ITPR1: variants seen among roughly 807,000 people sequenced by gnomAD.
ITPR1 encodes inositol 1,4,5-trisphosphate receptor type 1.
In ITPR1, 96 loss-of-function variants were observed where a neutral mutation model predicts 318.4. That is an observed-to-expected ratio of 0.30 (90% CI 0.26 to 0.36). The LOEUF is 0.36. Among genes scored for constraint, ITPR1 ranks in the 10% least tolerant of loss-of-function variants. The pLI is 1.00. For missense variants in ITPR1, 2,440 were observed against 3,460.2 expected (o/e 0.71, Z 7.40); for synonymous variants, 1,312 against 1,289.9 (o/e 1.02, Z -0.37).
chr3:4,775,692 T>A (rs1173027327), intron 47 of ITPR1, among the ~76,000 whole-genome samples: 8 of 152,210 alleles, frequency 5.3e-5, no homozygotes, highest in African/African-American at 1.9e-4. Context: ...TTTGATTTGG[T>A]TTGAATGTCC....
chr3:4,689,670 C>A (rs1266287193), intron 31 of ITPR1, among the ~76,000 whole-genome samples: 1 of 152,186 alleles, frequency 6.6e-6, no homozygotes, highest in African/African-American at 2.4e-5. Flanking sequence ...AAAGCCACCA[C>A]CTCACCCCAA....
intron 8 of ITPR1, 68 bp downstream of exon 8, chr3:4,644,302 C>T: frequency 9.6e-7 from 1 of 1,036,298 alleles, no homozygotes; most frequent in Non-Finnish European, 1.4e-6. Context: ...GGCGCCAGTG[C>T]ATGCGTGTGC....
intron 5 of ITPR1, among the ~76,000 whole-genome samples, chr3:4,630,468 G>C (rs1186960040): frequency 6.6e-6 from 1 of 151,416 alleles, no homozygotes. Flanking sequence ...CTTGTGGACT[G>C]TCTCTGTTCA....
chr3:4,795,821 C>G (rs1322207328), intron 53 of ITPR1, among the ~76,000 whole-genome samples: 1 of 152,200 alleles, frequency 6.6e-6, no homozygotes, highest in African/African-American at 2.4e-5. Context: ...TGAGAAAAGG[C>G]AGACAATTTG....
intron 41 of ITPR1, among the ~76,000 whole-genome samples, chr3:4,725,925 G>C (rs2042483025): frequency 6.6e-6 from 1 of 152,170 alleles, no homozygotes; most frequent in African/African-American, 2.4e-5. Flanking sequence ...TTTGGGTCCT[G>C]TGCAGAGATG....
chr3:4,825,915 G>C (rs555687649), intron 60 of ITPR1: 1 of 387,116 alleles, frequency 2.6e-6, no homozygotes, highest in South Asian at 1.9e-5. Flanking sequence ...GGAAAAGATG[G>C]TGGCAGCAGT....
intron 4 of ITPR1, among the ~76,000 whole-genome samples, chr3:4,616,038 T>G (rs965811063): frequency 1.8e-4 from 28 of 152,228 alleles, no homozygotes; most frequent in African/African-American, 5.5e-4. Flanking sequence ...AAAATGTCAC[T>G]TAACTTCAAA....
chr3:4,711,472 G>C (rs549492182), intron 38 of ITPR1: 2 of 332,514 alleles, frequency 6.0e-6, no homozygotes, highest in Non-Finnish European at 1.1e-5. Context: ...GCAGGTCTGA[G>C]TGGACCTCTG....
chr3:4,630,588 T>G (rs2092984443), intron 5 of ITPR1, among the ~76,000 whole-genome samples: 1 of 148,302 alleles, frequency 6.7e-6, no homozygotes, highest in African/African-American at 2.5e-5. Flanking sequence ...TTATTATTAT[T>G]ATTATTATTA....
At chr3:4,552,329 G>T (rs1164099958) in intron 4 of ITPR1, among the ~76,000 whole-genome samples, 1 of 152,318 alleles carries the variant, frequency 6.6e-6, no homozygotes, top group African/African-American at 2.4e-5. Context: ...TGACACACCA[G>T]TCTGGGCCTC....
At chr3:4,663,651 C>A (rs1399706342) in intron 16 of ITPR1, among the ~76,000 whole-genome samples, 2 of 152,188 alleles carry the variant, frequency 1.3e-5, no homozygotes, top group Non-Finnish European at 2.9e-5. Context: ...AACATTGATA[C>A]ATCATTATCA....
chr3:4,768,834 G>A, intron 46 of ITPR1, 70 bp downstream of exon 46: 1 of 1,449,334 alleles, frequency 6.9e-7, no homozygotes, highest in Non-Finnish European at 9.5e-7. Context: ...TCCTCTGATG[G>A]TTCAGCACCT....
chr3:4,660,541 G>T (rs191515138), intron 13 of ITPR1, among the ~76,000 whole-genome samples: 1 of 150,916 alleles, frequency 6.6e-6, no homozygotes, highest in Admixed American at 6.6e-5. Context: ...GATTCAAAAG[G>T]CTTTCCCTAC....
At chr3:4,716,615 A>G (rs182571920) in intron 39 of ITPR1, among the ~76,000 whole-genome samples, 7 of 152,352 alleles carry the variant, frequency 4.6e-5, no homozygotes, top group Admixed American at 3.3e-4. Flanking sequence ...AAGTATTAAC[A>G]TTTCCAGCTA....
At chr3:4,613,532 GT>G (rs1464816636) in intron 4 of ITPR1, among the ~76,000 whole-genome samples, 1 of 152,148 alleles carries the variant, frequency 6.6e-6, no homozygotes, top group Non-Finnish European at 1.5e-5. Context: ...CATTGCCTGA[GT>G]TTCCTGTGGG....
intron 11 of ITPR1, among the ~76,000 whole-genome samples, chr3:4,653,633 C>T (rs749103169): frequency 2.0e-5 from 3 of 152,056 alleles, no homozygotes; most frequent in African/African-American, 4.8e-5. Context: ...ACTTGAGAGC[C>T]GTCTCTTGGT....
At chr3:4,721,661 A>G (rs2042173539) in intron 40 of ITPR1, among the ~76,000 whole-genome samples, 1 of 152,208 alleles carries the variant, frequency 6.6e-6, no homozygotes, top group African/African-American at 2.4e-5. Context: ...AACTAGATCT[A>G]CGGTACAGTT....
intron 46 of ITPR1, among the ~76,000 whole-genome samples, chr3:4,774,359 G>A (rs2046358725): frequency 6.6e-6 from 1 of 152,226 alleles, no homozygotes; most frequent in Non-Finnish European, 1.5e-5. Flanking sequence ...TTTGTGAGTA[G>A]AAGTGAATAC....
At chr3:4,655,670 C>T (rs1379526988) in intron 12 of ITPR1, among the ~76,000 whole-genome samples, 4 of 152,198 alleles carry the variant, frequency 2.6e-5, no homozygotes, top group Non-Finnish European at 5.9e-5. Context: ...GACTCATCCC[C>T]CATCTCAGGC....
Sources: gnomAD v4.1 joint callset for allele counts (sites outside exome capture counted in the v4.1 genomes callset) on GRCh38, gnomAD v4.1.1 for gene constraint, MANE v1.5 for transcripts, NCBI Gene and HGNC (gene_info 2026-07-23, HGNC 2026-07-21) for gene names.